Variants in SRRM4 observed in about 807,000 individuals in gnomAD.
The protein encoded by SRRM4 is serine/arginine repetitive matrix 4, also known as serine/arginine repetitive matrix protein 4.
Under a neutral mutation model 68.9 loss-of-function variants are expected in SRRM4, and 33 were observed. The observed-to-expected ratio is 0.48, with a 90% CI of 0.36 to 0.64. The LOEUF is 0.64. SRRM4 is among the 30% of genes least tolerant of loss of function. The pLI is 0.00. For synonymous variants in SRRM4, 318 were observed against 318.8 expected, an observed-to-expected ratio of 1.00 and a Z score of 0.03; for missense variants, 817 against 827.1, an observed-to-expected ratio of 0.99 and a Z score of 0.15.
intron 1 of SRRM4, among the ~76,000 whole-genome samples, chr12:119,073,401 C>G (rs188654449): frequency 6.7e-6 from 1 of 150,346 alleles, no homozygotes; most frequent in African/African-American, 2.4e-5. Flanking sequence ...GATCATGGCT[C>G]ACTGCAACCT....
At chr12:119,038,541 G>A (rs1953644909) in intron 1 of SRRM4, among the ~76,000 whole-genome samples, 1 of 152,124 alleles carries the variant, frequency 6.6e-6, no homozygotes, top group Admixed American at 6.5e-5. Flanking sequence ...ACATTTCTAG[G>A]TGTTTGTCTT....
intron 7 of SRRM4, among the ~76,000 whole-genome samples, chr12:119,129,776 G>A (rs919481528): frequency 4.6e-5 from 7 of 152,208 alleles, no homozygotes; most frequent in Non-Finnish European, 7.3e-5. Flanking sequence ...TGGATGGATA[G>A]GTGGATGAAT....
At chr12:119,019,472 TC>T (rs1655884141) in intron 1 of SRRM4, among the ~76,000 whole-genome samples, 1 of 152,034 alleles carries the variant, frequency 6.6e-6, no homozygotes, top group South Asian at 2.1e-4. Context: ...GCATTTCCCC[TC>T]CACCCACTCA....
chr12:119,151,123 T>A lies in SRRM4; in HGVS notation c.1183T>A (p.Tyr395Asn). The A allele has an allele frequency of 6.2e-7, 1 of 1,613,994 alleles. No homozygotes were observed. The highest frequency in any genetic ancestry group is 8.5e-7 in the Non-Finnish European group (1 of 1,179,860). The change falls in exon 10 of 13, where the codon TAT becomes AAT. Residue 395 changes from tyrosine to asparagine, a missense_variant. Tyr to Asn is a moderately radical substitution (Grantham distance 143). Transcript: ENST00000267260. ...PMKGCSRSSS[Y>N]ASTRSSSHSS... ...GAAAGGGTGTTCCCGCAGCTCCTCCTATGCCAGCACCCGATCCTCCAGTCA... is the reference window on the plus strand; with the variant it reads ...GAAAGGGTGTTCCCGCAGCTCCTCCAATGCCAGCACCCGATCCTCCAGTCA...
At position 119,156,755 on chromosome 12, in the gene SRRM4, G is replaced by A; in HGVS notation, c.1793G>A (p.Arg598Gln). The A allele has an allele frequency of 6.5e-7, 1 of 1,545,390 alleles. No individual in the cohort carries two copies. Among genetic ancestry groups the A allele is most frequent in the African/African-American group, 1.4e-5 (1 of 73,102 alleles). Residue 598 changes from arginine (R) to glutamine (Q), a missense_variant, in exon 13 of 13, where the codon CGG (arginine) becomes CAG (glutamine). Arg to Gln is a conservative substitution (Grantham distance 43). Coordinates refer to ENST00000267260, the MANE Select transcript of SRRM4 (RefSeq NM_194286.4). ...CGGAGCCGGAGCAGGAGCCAGAGCC[G>A]GAGCTACAGCTCAGCAGACAGCTAC... ...RSRSRSRSQSRSYSSADSYSS... is the reference protein window; with the variant it reads ...RSRSRSRSQSQSYSSADSYSS...
intron 1 of SRRM4, 141 bp from the exon 2 acceptor site, chr12:119,102,095 C>A (rs1417859547): frequency 4.0e-6 from 3 of 758,570 alleles, no homozygotes; most frequent in Non-Finnish European, 4.1e-6. Context: ...TGCTTAGAGA[C>A]CATTGGCCAA....
chr12:119,024,930 C>A (rs1274248933), intron 1 of SRRM4, among the ~76,000 whole-genome samples: 3 of 152,242 alleles, frequency 2.0e-5, no homozygotes, highest in East Asian at 3.9e-4. Context: ...TGTGCCAGGG[C>A]CTGTTCTGGG....
At chr12:119,136,392 T>G (rs1253426603) in intron 8 of SRRM4, among the ~76,000 whole-genome samples, 1 of 152,200 alleles carries the variant, frequency 6.6e-6, no homozygotes, top group Non-Finnish European at 1.5e-5. Flanking sequence ...ACCATCATCA[T>G]AGTTGAGAGA....
intron 1 of SRRM4, among the ~76,000 whole-genome samples, chr12:118,998,339 T>TGG (rs1953362845): frequency 7.0e-6 from 1 of 142,524 alleles, no homozygotes; most frequent in South Asian, 2.3e-4. Context: ...TTGGTAGTTG[T>TGG]GGTCTGGAGC....
At chr12:119,121,381 G>A (rs1046892205) in intron 5 of SRRM4, among the ~76,000 whole-genome samples, 3 of 152,148 alleles carry the variant, frequency 2.0e-5, no homozygotes, top group African/African-American at 7.2e-5. Context: ...TGATTACACT[G>A]AGACCCCAAG....
At position 118,999,358 on chromosome 12, in the gene SRRM4, G is replaced by A. The variant is rs543664285; in HGVS notation, c.131+17345G>A. Among the ~76,000 whole-genome samples the A allele has an allele frequency of 2.6e-5, 4 of 152,294 alleles. No homozygotes were observed. In the East Asian group the frequency reaches 7.7e-4, roughly 29 times the overall value. On this transcript the variant is annotated intron_variant, in intron 1 of 12. Coordinates refer to ENST00000267260, the MANE Select transcript of SRRM4 (RefSeq NM_194286.4). ...ACAACGCCAGCTTTGCCTTGCCAGGGGCACCTGAATGTCATGGCAGGAGGG... is the reference window on the plus strand; with the variant it reads ...ACAACGCCAGCTTTGCCTTGCCAGGAGCACCTGAATGTCATGGCAGGAGGG...
At chr12:119,094,014 G>A (rs1174072651) in intron 1 of SRRM4, among the ~76,000 whole-genome samples, 2 of 152,042 alleles carry the variant, frequency 1.3e-5, no homozygotes, top group African/African-American at 4.8e-5. Context: ...GGCTGAGTTG[G>A]GCAAGAAATG....
intron 1 of SRRM4, among the ~76,000 whole-genome samples, chr12:119,071,884 T>A (rs934998838): frequency 6.6e-6 from 1 of 152,232 alleles, no homozygotes; most frequent in Non-Finnish European, 1.5e-5. Context: ...GACATTGCCT[T>A]CCTGGAACCT....
intron 1 of SRRM4, among the ~76,000 whole-genome samples, chr12:119,062,066 G>A (rs1032477358): frequency 2.0e-5 from 3 of 152,160 alleles, no homozygotes; most frequent in Non-Finnish European, 4.4e-5. Context: ...TAGGCTGTAT[G>A]GTACAGCTTG....
chr12:118,989,500 T>C (rs1468305048), intron 1 of SRRM4, among the ~76,000 whole-genome samples: 1 of 151,936 alleles, frequency 6.6e-6, no homozygotes, highest in East Asian at 1.9e-4. Flanking sequence ...GCTCTTTCTG[T>C]CTCTCTCCCT....
At chr12:119,031,589 A>G (rs1953590175) in intron 1 of SRRM4, among the ~76,000 whole-genome samples, 1 of 152,204 alleles carries the variant, frequency 6.6e-6, no homozygotes, top group African/African-American at 2.4e-5. Flanking sequence ...TTTGAGATTT[A>G]CTGATAAATT....
At chr12:119,081,793 C>T (rs918017862) in intron 1 of SRRM4, among the ~76,000 whole-genome samples, 1 of 152,206 alleles carries the variant, frequency 6.6e-6, no homozygotes. Context: ...TCTGAATGTA[C>T]TTTGAAGTTA....
At position 119,161,575 on chromosome 12, in the gene SRRM4, T is replaced by C. The variant is rs531178211; in HGVS notation, c.*4777T>C. Reference sequence around the variant, plus strand: ...GAACATGGCTTATTTAATAATTTATTTCGTATTTATTGAGTAATATTGGGA... The same window carrying C: ...GAACATGGCTTATTTAATAATTTATCTCGTATTTATTGAGTAATATTGGGA... On this transcript the variant is annotated 3_prime_UTR_variant, in exon 13 of 13. Transcript: ENST00000267260. 29 of 152,372 alleles carry C rather than the reference T, an allele frequency of 1.9e-4. No individual in the cohort carries two copies. The highest frequency in any genetic ancestry group is 6.5e-4 in the African/African-American group (27 of 41,560). The allele number at this position is 152,372 out of a possible 1,614,324, so 9.4% of individuals were successfully genotyped here.
At chr12:119,148,595 G>A (rs1336185379) in intron 9 of SRRM4, among the ~76,000 whole-genome samples, 1 of 152,196 alleles carries the variant, frequency 6.6e-6, no homozygotes, top group Non-Finnish European at 1.5e-5. Context: ...TTATAGGACA[G>A]TACTATTTGT....
Sources: gnomAD v4.1 joint callset for allele counts (sites outside exome capture counted in the v4.1 genomes callset) on GRCh38, gnomAD v4.1.1 for gene constraint, MANE v1.5 for transcripts, NCBI Gene and HGNC (gene_info 2026-07-23, HGNC 2026-07-21) for gene names.